The following BLTP1 variants were observed in gnomAD, a reference collection of about 807,000 sequenced individuals.
BLTP1 encodes bridge-like lipid transfer protein family member 1.
the BLTP1 span, chr4:122,275,894 T>C: frequency 1.4e-6 from 2 of 1,396,268 alleles, no homozygotes; most frequent in South Asian, 2.0e-5. Flanking sequence ...TGATTGGTCA[T>C]ATTGTAACTA....
the BLTP1 span, among the ~76,000 whole-genome samples, chr4:122,212,704 AT>A: frequency 6.6e-6 from 1 of 152,168 alleles, no homozygotes; most frequent in South Asian, 2.1e-4. Flanking sequence ...ATATGCTTTC[AT>A]TTTAGACTTG....
the BLTP1 span, chr4:122,243,991 T>C: frequency 8.7e-6 from 14 of 1,606,498 alleles, no homozygotes; most frequent in African/African-American, 1.3e-5. Flanking sequence ...ACTGTTGATA[T>C]TGTTTTGACT....
chr4:122,352,816 A>C, the BLTP1 span: 1 of 1,520,506 alleles, frequency 6.6e-7, no homozygotes, highest in East Asian at 2.3e-5. Flanking sequence ...CTGAGACTGT[A>C]GAAAGTAGCC....
At chr4:122,264,011 A>G in the BLTP1 span, 1 of 679,398 alleles carries the variant, frequency 1.5e-6, no homozygotes, top group East Asian at 1.3e-4. Flanking sequence ...AATCTAAAAC[A>G]GTATGTATGT....
chr4:122,192,648 A>AT, the BLTP1 span, among the ~76,000 whole-genome samples: 3 of 150,306 alleles, frequency 2.0e-5, no homozygotes, highest in East Asian at 2.0e-4. Context: ...TTGTTGGTTC[A>AT]TTTTTTTTTC....
chr4:122,211,523 C>G, the BLTP1 span, among the ~76,000 whole-genome samples: 3 of 152,168 alleles, frequency 2.0e-5, no homozygotes, highest in South Asian at 6.2e-4. Context: ...TAAGTGACAA[C>G]GTTTTATGAT....
chr4:122,316,075 G>A, the BLTP1 span, among the ~76,000 whole-genome samples: 1 of 152,018 alleles, frequency 6.6e-6, no homozygotes, highest in Non-Finnish European at 1.5e-5. Context: ...TATGGTACGT[G>A]AGTTATATCT....
chr4:122,203,942 TTC>T, the BLTP1 span: 1 of 371,324 alleles, frequency 2.7e-6, no homozygotes, highest in Non-Finnish European at 3.7e-6. Context: ...TAATCTGAAT[TTC>T]TGTTTAGTTC....
the BLTP1 span, among the ~76,000 whole-genome samples, chr4:122,168,496 G>T: frequency 3.1e-3 from 465 of 152,144 alleles, 2 homozygotes; most frequent in Non-Finnish European, 4.7e-3. Context: ...GTTATTTTAT[G>T]ATATGTAAAC....
the BLTP1 span, among the ~76,000 whole-genome samples, chr4:122,153,475 AC>A: frequency 6.6e-6 from 1 of 152,182 alleles, no homozygotes; most frequent in Non-Finnish European, 1.5e-5. Context: ...TGTAAAGTCT[AC>A]TATTCCCATT....
At chr4:122,258,095 G>C in the BLTP1 span, among the ~76,000 whole-genome samples, 1 of 152,084 alleles carries the variant, frequency 6.6e-6, no homozygotes, top group African/African-American at 2.4e-5. Flanking sequence ...GGCTGTGTCA[G>C]AATAAAGATA....
chr4:122,275,308 C>T, the BLTP1 span, among the ~76,000 whole-genome samples: 2 of 151,930 alleles, frequency 1.3e-5, no homozygotes, highest in African/African-American at 4.8e-5. Flanking sequence ...GTCTTATCTA[C>T]CTTTACAGAA....
At chr4:122,190,977 T>A in the BLTP1 span, among the ~76,000 whole-genome samples, 1 of 152,322 alleles carries the variant, frequency 6.6e-6, no homozygotes, top group East Asian at 1.9e-4. Flanking sequence ...GTAAAACTGT[T>A]GTTGCTTTAA....
At chr4:122,222,979 A>T in the BLTP1 span, 2 of 958,436 alleles carry the variant, frequency 2.1e-6, no homozygotes, top group Non-Finnish European at 2.5e-6. Context: ...TTTTGAGATT[A>T]AAAAATTTCA....
the BLTP1 span, chr4:122,174,723 G>T: frequency 3.4e-6 from 4 of 1,185,974 alleles, no homozygotes; most frequent in Non-Finnish European, 4.8e-6. Context: ...AATGTTTTAT[G>T]ATATTTTATT....
the BLTP1 span, among the ~76,000 whole-genome samples, chr4:122,214,819 G>A: frequency 8.6e-5 from 13 of 151,444 alleles, no homozygotes; most frequent in African/African-American, 2.9e-4. Flanking sequence ...GCCATGTTGC[G>A]CAGGCTGGTC....
chr4:122,290,853 T>C, the BLTP1 span: 3 of 128,592 alleles, frequency 2.3e-5, no homozygotes, highest in African/African-American at 3.0e-5. Flanking sequence ...ACACACATAA[T>C]ATTATATATA....
chr4:122,219,665 G>C, the BLTP1 span: 1 of 795,336 alleles, frequency 1.3e-6, no homozygotes, highest in Non-Finnish European at 2.0e-6. Context: ...AAGAAAATCA[G>C]ATTTAGAAAC....
the BLTP1 span, chr4:122,184,604 C>T: frequency 1.2e-5 from 8 of 670,738 alleles, no homozygotes; most frequent in Non-Finnish European, 1.5e-5. Context: ...TGTGCCATTG[C>T]ACTCCAGCCT....
Sources: gnomAD v4.1 joint callset for allele counts (sites outside exome capture counted in the v4.1 genomes callset) on GRCh38, gnomAD v4.1.1 for gene constraint, MANE v1.5 for transcripts, NCBI Gene and HGNC (gene_info 2026-07-23, HGNC 2026-07-21) for gene names.